Variants in WNT5A observed in about 807,000 individuals in gnomAD.
The protein encoded by WNT5A is protein Wnt-5a.
WNT5A carries 9 observed loss-of-function variants against 42.1 expected under a neutral mutation model. That is an observed-to-expected ratio of 0.21 (90% confidence interval 0.13 to 0.37). The LOEUF is 0.37. Ranked by LOEUF, WNT5A falls within the 10% of genes least tolerant of loss-of-function variation. The pLI is 1.00. For synonymous variants in WNT5A, 210 were observed against 210.0 expected, an observed-to-expected ratio of 1.00 and a Z score of 0.00; for missense variants, 426 against 534.0, an observed-to-expected ratio of 0.80 and a Z score of 1.99.
At chr3:55,472,086 T>C (rs954978622) in intron 4 of WNT5A, among the ~76,000 whole-genome samples, 1 of 151,950 alleles carries the variant, frequency 6.6e-6, no homozygotes, top group African/African-American at 2.4e-5. Context: ...CAAATTTCCA[T>C]CCCCTAGCCC....
upstream of WNT5A, chr3:55,488,218 A>C (rs2107017632): frequency 6.6e-6 from 1 of 152,136 alleles, no homozygotes; most frequent in South Asian, 1.9e-4. Flanking sequence ...TGCCGCACGG[A>C]CCCCGGCTCT....
At chr3:55,472,390 G>A (rs1017604359) in intron 4 of WNT5A, among the ~76,000 whole-genome samples, 1 of 152,194 alleles carries the variant, frequency 6.6e-6, no homozygotes, top group Non-Finnish European at 1.5e-5. Flanking sequence ...CCCCTGGATA[G>A]GGGCCTTTAA....
At chr3:55,502,623 G>A in the WNT5A span, among the ~76,000 whole-genome samples, 27 of 152,292 alleles carry the variant, frequency 1.8e-4, no homozygotes, top group African/African-American at 6.5e-4. Context: ...TCAGACATGG[G>A]ATATTTTCAT....
intron 3 of WNT5A, among the ~76,000 whole-genome samples, chr3:55,478,199 T>C (rs1460137312): frequency 6.6e-6 from 1 of 152,204 alleles, no homozygotes; most frequent in Non-Finnish European, 1.5e-5. Flanking sequence ...TCCCATTCAG[T>C]CAGAGGAACA....
intron 1 of WNT5A, 105 bp downstream of exon 1, chr3:55,486,875 G>T: frequency 1.2e-6 from 1 of 847,926 alleles, no homozygotes; most frequent in Admixed American, 1.9e-5. Flanking sequence ...TCTTCAGGCG[G>T]TTGGGGAAAT....
the WNT5A span, among the ~76,000 whole-genome samples, chr3:55,498,187 G>C: frequency 6.6e-6 from 1 of 152,138 alleles, no homozygotes; most frequent in African/African-American, 2.4e-5. Flanking sequence ...AGCCGTCACT[G>C]TTCATCATGG....
intron 4 of WNT5A, among the ~76,000 whole-genome samples, chr3:55,473,591 C>G (rs942571865): frequency 2.0e-5 from 3 of 152,216 alleles, no homozygotes; most frequent in Non-Finnish European, 4.4e-5. Flanking sequence ...TTCTGCTGCT[C>G]TCTTCTCTCC....
At chr3:55,496,158 A>T in the WNT5A span, among the ~76,000 whole-genome samples, 1 of 100,368 alleles carries the variant, frequency 1.0e-5, no homozygotes, top group Non-Finnish European at 2.0e-5. Context: ...TTAATTTTGT[A>T]TCTTTGCTGC....
upstream of WNT5A, among the ~76,000 whole-genome samples, chr3:55,492,295 A>C (rs1421453741): frequency 6.6e-6 from 1 of 151,964 alleles, no homozygotes; most frequent in Non-Finnish European, 1.5e-5. Context: ...GGTCAGATGG[A>C]TGTGAGTCTG....
At chr3:55,500,638 C>A in the WNT5A span, among the ~76,000 whole-genome samples, 1 of 152,178 alleles carries the variant, frequency 6.6e-6, no homozygotes, top group Non-Finnish European at 1.5e-5. Context: ...GTCTGTTTGA[C>A]CCCAAAAGTC....
the WNT5A span, among the ~76,000 whole-genome samples, chr3:55,504,621 T>C: frequency 7.2e-5 from 11 of 152,076 alleles, no homozygotes; most frequent in Non-Finnish European, 1.6e-4. Flanking sequence ...TGCACCACCA[T>C]ACCCGGCTCA....
At chr3:55,481,091 T>C in intron 1 of WNT5A, 173 bp from the exon 2 acceptor site, 1 of 763,532 alleles carries the variant, frequency 1.3e-6, no homozygotes, top group African/African-American at 1.8e-5. Context: ...TCCAAATTAA[T>C]CCACCCACGC....
upstream of WNT5A, among the ~76,000 whole-genome samples, chr3:55,492,769 A>C (rs578161082): frequency 6.6e-6 from 1 of 152,324 alleles, no homozygotes; most frequent in South Asian, 2.1e-4. Context: ...AACTCTTTAC[A>C]TTCATTGCCT....
At chr3:55,486,237 G>A (rs1183543503) in intron 1 of WNT5A, among the ~76,000 whole-genome samples, 2 of 152,186 alleles carry the variant, frequency 1.3e-5, no homozygotes, top group African/African-American at 4.8e-5. Context: ...CTGTCCCGGA[G>A]TACGGGATTA....
At chr3:55,499,986 A>C in the WNT5A span, among the ~76,000 whole-genome samples, 1 of 151,358 alleles carries the variant, frequency 6.6e-6, no homozygotes, top group African/African-American at 2.4e-5. Flanking sequence ...CCTCCAAAAA[A>C]AAAAAAAAAT....
In WNT5A at chr3:55,487,238, C is replaced by G. The variant is rs919636693; in HGVS notation, c.-253G>C. ...GGCGCGGACGCGCGCGAGCCGGCAG[C>G]AAGGGCAGGGCCTGGTCGGGGCGCA... On this transcript the variant is annotated 5_prime_UTR_variant, in exon 1 of 5. Coordinates refer to ENST00000264634, the MANE Select transcript of WNT5A (RefSeq NM_003392.7). 2.2e-5 allele frequency: 11 copies of G among 499,864 alleles called. No individual in the cohort carries two copies. The Admixed American group carries it at 4.2e-4, about 19-fold the overall frequency. The allele number at this position is 499,864 out of a possible 1,614,324, so 31.0% of individuals were successfully genotyped here.
intron 2 of WNT5A, 101 bp downstream of exon 2, chr3:55,480,684 C>T: frequency 1.6e-6 from 2 of 1,241,208 alleles, no homozygotes; most frequent in Non-Finnish European, 2.1e-6. Context: ...GCAATAAATA[C>T]ACCCACACTC....
At chr3:55,488,660 G>C (rs1312138962), upstream of WNT5A, among the ~76,000 whole-genome samples, 2 of 152,046 alleles carry the variant, frequency 1.3e-5, no homozygotes, top group Non-Finnish European at 2.9e-5. Flanking sequence ...ATCCCCCGCG[G>C]CATCTGCTGA....
At chr3:55,495,236 A>T (rs1032881767), upstream of WNT5A, among the ~76,000 whole-genome samples, 1 of 152,220 alleles carries the variant, frequency 6.6e-6, no homozygotes, top group Admixed American at 6.5e-5. Context: ...CAAGTACACA[A>T]TACCTTGTTA....
Sources: allele counts gnomAD v4.1 joint callset (sites outside exome capture counted in the v4.1 genomes callset), GRCh38; gene constraint gnomAD v4.1.1; transcripts MANE v1.5; gene names NCBI Gene and HGNC (gene_info 2026-07-23, HGNC 2026-07-21).